Variants in HCRTR2 observed in about 807,000 individuals in gnomAD.
The protein encoded by HCRTR2 is hypocretin receptor 2.
HCRTR2 carries 22 observed loss-of-function variants against 49.0 expected under a neutral mutation model. The observed-to-expected ratio is 0.45, with a 90% CI of 0.32 to 0.64. The LOEUF is 0.64. HCRTR2 is among the 30% of genes least tolerant of loss of function. The probability of loss-of-function intolerance (pLI) is 0.04; values close to 1 mark genes in which losing one functional copy is unlikely to be tolerated. For synonymous variants in HCRTR2, 236 were observed against 205.3 expected (o/e 1.15, Z -1.28); for missense variants, 491 against 559.4 (o/e 0.88, Z 1.23).
rs200545298 is a variant in HCRTR2, at chr6:55,255,356, C to T, written c.623C>T (p.Thr208Met). 3.1e-6 allele frequency: 5 copies of T among 1,613,988 alleles called. No individual in the cohort carries two copies. Among genetic ancestry groups the T allele is most frequent in the South Asian group, 2.2e-5 (2 of 91,080 alleles). The change falls in exon 3 of 7, where the codon ACG becomes ATG. Residue 208 changes from threonine (T) to methionine (M), a missense_variant. Transcript: ENST00000370862. Reference protein sequence around the residue: ...PGLANKTTLFTVCDERWGGEI... With the variant: ...PGLANKTTLFMVCDERWGGEI... ...TTAGCCAATAAAACCACCCTCTTTA[C>T]GGTGTGTGATGAGCGCTGGGGTGGT...
At chr6:55,133,716 G>C (rs1764394477) in intron 1 of HCRTR2, among the ~76,000 whole-genome samples, 1 of 149,752 alleles carries the variant, frequency 6.7e-6, no homozygotes, top group Non-Finnish European at 1.5e-5. Context: ...TCTCCATCTA[G>C]GCATGTTTGT....
intron 6 of HCRTR2, among the ~76,000 whole-genome samples, chr6:55,281,515 T>C (rs766506252): frequency 9.9e-5 from 15 of 152,214 alleles, no homozygotes; most frequent in Non-Finnish European, 1.9e-4. Flanking sequence ...GCTGGGCCCG[T>C]GAACATTCAT....
intron 1 of HCRTR2, among the ~76,000 whole-genome samples, chr6:55,225,451 A>C (rs756690049): frequency 4.8e-4 from 73 of 152,156 alleles, no homozygotes; most frequent in Non-Finnish European, 8.1e-4. Flanking sequence ...TTCTCAGACC[A>C]TATGGTGATA....
chr6:55,235,028 C>T (rs1766188193), intron 1 of HCRTR2, among the ~76,000 whole-genome samples: 1 of 152,070 alleles, frequency 6.6e-6, no homozygotes. Context: ...AAACATACAA[C>T]CTGGATCTTA....
chr6:55,218,990 A>AT (rs60739232), intron 1 of HCRTR2, among the ~76,000 whole-genome samples: 1 of 152,066 alleles, frequency 6.6e-6, no homozygotes, highest in Non-Finnish European at 1.5e-5. Flanking sequence ...TACCCAGCTA[A>AT]TTTTTTAACC....
intron 1 of HCRTR2, among the ~76,000 whole-genome samples, chr6:55,182,591 C>T (rs1765151298): frequency 6.6e-6 from 1 of 152,176 alleles, no homozygotes; most frequent in African/African-American, 2.4e-5. Flanking sequence ...CTACCCCAAC[C>T]CACCCCCAGC....
chr6:55,112,715 C>T (rs951673008), intron 1 of HCRTR2, among the ~76,000 whole-genome samples: 13 of 151,914 alleles, frequency 8.6e-5, no homozygotes, highest in Admixed American at 8.6e-4. Flanking sequence ...GACAATACTG[C>T]AAAAGCGATC....
intron 1 of HCRTR2, among the ~76,000 whole-genome samples, chr6:55,192,413 G>GCACACACACACACACA (rs1554171107): frequency 2.3e-5 from 3 of 128,450 alleles, no homozygotes; most frequent in Admixed American, 1.7e-4. Flanking sequence ...GCGCGCGCGC[G>GCACACACACACACACA]CACACACACA....
At chr6:55,131,645 T>G (rs1286084982) in intron 1 of HCRTR2, among the ~76,000 whole-genome samples, 1 of 151,798 alleles carries the variant, frequency 6.6e-6, no homozygotes, top group Non-Finnish European at 1.5e-5. Flanking sequence ...GAAATAACAA[T>G]TTTGAAAATA....
chr6:55,227,301 C>T (rs1467446093), intron 1 of HCRTR2, among the ~76,000 whole-genome samples: 5 of 152,046 alleles, frequency 3.3e-5, no homozygotes. Context: ...TTCCATTACT[C>T]CCAAGTGGTC....
intron 1 of HCRTR2, among the ~76,000 whole-genome samples, chr6:55,148,838 A>C (rs559206199): frequency 6.6e-6 from 1 of 152,240 alleles, no homozygotes; most frequent in East Asian, 1.9e-4. Context: ...GGAATCACAA[A>C]ATTTTAAGAA....
rs76517947 is a variant in HCRTR2, at chr6:55,248,006, C to T, written c.224-633C>T. Reference sequence around the variant, plus strand: ...TATATTTTGTGAGCCCATATGTCCTCAGACAAGTTTTGTGAGTTAATTTCC... The same window carrying T: ...TATATTTTGTGAGCCCATATGTCCTTAGACAAGTTTTGTGAGTTAATTTCC... On this transcript the variant is annotated intron_variant, in intron 1 of 6. Coordinates refer to ENST00000370862, the MANE Select transcript of HCRTR2 (RefSeq NM_001384272.1). Among the ~76,000 whole-genome samples, 1,034 of 152,214 alleles carry T rather than the reference C, an allele frequency of 6.8e-3. 15 individuals carry two copies. The highest frequency in any genetic ancestry group is 0.023 in the African/African-American group (964 of 41,546).
At chr6:55,257,853 G>A (rs543258990) in intron 3 of HCRTR2, among the ~76,000 whole-genome samples, 2 of 151,800 alleles carry the variant, frequency 1.3e-5, no homozygotes, top group Non-Finnish European at 2.9e-5. Flanking sequence ...CTAAAATTAA[G>A]TATTATTGGA....
chr6:55,204,035 T>G (rs1765557458), intron 1 of HCRTR2, among the ~76,000 whole-genome samples: 1 of 152,170 alleles, frequency 6.6e-6, no homozygotes, highest in South Asian at 2.1e-4. Context: ...CCCTTCTCTG[T>G]TCAATATTTA....
rs56655240 is a variant in HCRTR2, at chr6:55,165,744, AATATATAT to A, written c.-377-8429_-377-8422del. The stretch of plus-strand genomic sequence containing the variant: ...TATTTGTTAAGGGATTAGTATACAG[AATATATAT>A]ATATATATATATATATATATATATA... On this transcript the variant is annotated intron_variant, in intron 1 of 7. Transcript: ENST00000615358. Among the ~76,000 whole-genome samples the A allele has an allele frequency of 1.5e-3, 190 of 128,474 alleles. 1 individual carries two copies. Among genetic ancestry groups the A allele is most frequent in the African/African-American group, 4.5e-3 (145 of 32,472 alleles). The allele number at this position is 128,474 out of a possible 152,430, so 84.3% of individuals were successfully genotyped here.
chr6:55,152,725 T>A (rs1764679870), intron 1 of HCRTR2, among the ~76,000 whole-genome samples: 1 of 151,828 alleles, frequency 6.6e-6, no homozygotes, highest in Admixed American at 6.6e-5. Flanking sequence ...ATAATCCCAT[T>A]CACAAGGGCA....
At chr6:55,125,339 C>A (rs572252487) in intron 1 of HCRTR2, among the ~76,000 whole-genome samples, 2 of 152,224 alleles carry the variant, frequency 1.3e-5, no homozygotes, top group East Asian at 3.9e-4. Flanking sequence ...ATTTGCTTTT[C>A]TGTAAAGGAT....
chr6:55,252,940 C>T (rs1051613342), intron 2 of HCRTR2, among the ~76,000 whole-genome samples: 3 of 151,870 alleles, frequency 2.0e-5, no homozygotes, highest in Non-Finnish European at 2.9e-5. Flanking sequence ...CTGGAATAGA[C>T]ATTTTCATCT....
At chr6:55,208,713 C>A (rs1223533855) in intron 1 of HCRTR2, among the ~76,000 whole-genome samples, 1 of 152,106 alleles carries the variant, frequency 6.6e-6, no homozygotes, top group Non-Finnish European at 1.5e-5. Context: ...CCATTTTCTG[C>A]TGTGATGTGT....
Sources: gnomAD v4.1 joint callset for allele counts (sites outside exome capture counted in the v4.1 genomes callset) on GRCh38, gnomAD v4.1.1 for gene constraint, MANE v1.5 for transcripts, NCBI Gene and HGNC (gene_info 2026-07-23, HGNC 2026-07-21) for gene names.